MEI1: variants seen among roughly 807,000 people sequenced by gnomAD.
MEI1 encodes the protein meiotic double-stranded break formation protein 1.
A neutral mutation model predicts 146.2 loss-of-function variants in MEI1; 103 were observed. The ratio of observed to expected loss-of-function variants is 0.70; its 90% confidence interval spans 0.60 to 0.83. The LOEUF (loss-of-function observed/expected upper bound fraction) is 0.83, where lower values mean the gene tolerates loss of function less well. Among genes scored for constraint, MEI1 ranks in the 40% least tolerant of loss-of-function variants. MEI1 has a pLI of 0.00. For synonymous variants in MEI1, 652 were observed against 628.2 expected (o/e 1.04, Z -0.57); for missense variants, 1,529 against 1,533.0 (o/e 1.00, Z 0.04).
At chr22:41,786,001 C>A (rs2148194907) in intron 26 of MEI1, among the ~76,000 whole-genome samples, 1 of 145,468 alleles carries the variant, frequency 6.9e-6, no homozygotes, top group African/African-American at 2.5e-5. Flanking sequence ...AGCTCCGCCT[C>A]CCGGGTTCAC....
chr22:41,781,612 T>G (rs1177085158), intron 23 of MEI1, 73 bp from the exon 24 acceptor site: 1 of 1,537,162 alleles, frequency 6.5e-7, no homozygotes. Context: ...AATCAGGTGC[T>G]AAGCACCATA....
chr22:41,753,848 C>G (rs557835496), intron 16 of MEI1, 101 bp from the exon 17 acceptor site: 107 of 846,658 alleles, frequency 1.3e-4, no homozygotes, highest in Non-Finnish European at 7.8e-5. Flanking sequence ...TCACTAGCCT[C>G]TGGCACAAAG....
chr22:41,776,101 G>C lies in MEI1; in HGVS notation c.2545-1G>C, dbSNP rs2075425183. The stretch of plus-strand genomic sequence containing the variant: ...CTCTGGCTTTCTTCTCTCCTGCTCA[G>C]GACCTCATCTATTCCAGCCCAGTGG... On this transcript the variant is annotated splice_acceptor_variant, in intron 20 of 30. Transcript: ENST00000401548. LOFTEE classifies it high-confidence loss of function. The C allele has an allele frequency of 6.2e-7, 1 of 1,613,810 alleles. No individual in the cohort carries two copies. The highest frequency in any genetic ancestry group is 8.5e-7 in the Non-Finnish European group (1 of 1,179,782).
chr22:41,735,138 A>G (rs1186058730), intron 11 of MEI1, among the ~76,000 whole-genome samples: 2 of 138,984 alleles, frequency 1.4e-5, no homozygotes, highest in African/African-American at 2.7e-5. Context: ...ATTTTTTTGT[A>G]TTTTTAGTAG....
At chr22:41,772,603 TA>T (rs2075242080) in intron 20 of MEI1, among the ~76,000 whole-genome samples, 1 of 151,752 alleles carries the variant, frequency 6.6e-6, no homozygotes, top group South Asian at 2.1e-4. Context: ...ATTATAGGCA[TA>T]AACGACTGTA....
At chr22:41,755,356 A>G (rs990679254) in intron 17 of MEI1, among the ~76,000 whole-genome samples, 3 of 152,112 alleles carry the variant, frequency 2.0e-5, no homozygotes, top group African/African-American at 7.2e-5. Flanking sequence ...TATCTTTCCC[A>G]GACATCATGC....
intron 26 of MEI1, among the ~76,000 whole-genome samples, chr22:41,787,024 CTG>C (rs771333898): frequency 2.0e-5 from 3 of 152,324 alleles, no homozygotes; most frequent in Non-Finnish European, 4.4e-5. Flanking sequence ...GCACAAGGCT[CTG>C]TGCTCTTTAG....
chr22:41,791,530 T>TG (rs1230773875), intron 26 of MEI1, among the ~76,000 whole-genome samples: 3 of 151,988 alleles, frequency 2.0e-5, no homozygotes, highest in Admixed American at 2.0e-4. Flanking sequence ...GTGGGAAAGA[T>TG]GGGGGCAAGG....
At chr22:41,732,655 C>T in intron 11 of MEI1, 52 bp downstream of exon 11, 2 of 1,570,044 alleles carry the variant, frequency 1.3e-6, no homozygotes, top group Non-Finnish European at 1.7e-6. Flanking sequence ...ACCTAAGGGC[C>T]TGTTGAGGCC....
intron 23 of MEI1, 70 bp from the exon 24 acceptor site, chr22:41,781,615 G>A (rs2075759541): frequency 2.6e-6 from 4 of 1,547,378 alleles, no homozygotes; most frequent in South Asian, 1.2e-5. Context: ...CAGGTGCTAA[G>A]CACCATAGTG....
intron 15 of MEI1, among the ~76,000 whole-genome samples, chr22:41,748,547 G>A (rs1174528913): frequency 1.3e-5 from 2 of 152,208 alleles, no homozygotes; most frequent in East Asian, 3.9e-4. Context: ...AATTAGCTGA[G>A]AGTTTTCAGT....
chr22:41,716,013 C>T, intron 4 of MEI1, 28 bp from the exon 5 acceptor site: 1 of 1,520,318 alleles, frequency 6.6e-7, no homozygotes, highest in Non-Finnish European at 9.0e-7. Flanking sequence ...TCCTAATTGA[C>T]AGAATGGAGC....
At chr22:41,741,415 G>C (rs1354345335) in intron 11 of MEI1, among the ~76,000 whole-genome samples, 6 of 152,180 alleles carry the variant, frequency 3.9e-5, no homozygotes, top group African/African-American at 1.4e-4. Flanking sequence ...ATCTGTCTCT[G>C]TTTAGGTAAA....
chr22:41,767,433 G>A (rs1227548194), intron 19 of MEI1: 2 of 335,894 alleles, frequency 6.0e-6, no homozygotes, highest in Non-Finnish European at 1.3e-5. Flanking sequence ...GAGCCTTTGT[G>A]GAAGCAGTGG....
rs768640771 is a variant in MEI1, at chr22:41,763,358, T to A, written c.2268+37T>A. ...AATGCCTGGGCTCCTTGTCCTTCTG[T>A]ACCTCTTTACATTAGTGTTCCCTGG... is the stretch of plus-strand genomic sequence containing the variant. On this transcript the variant is annotated intron_variant, in intron 19 of 30. Coordinates refer to ENST00000401548, the MANE Select transcript of MEI1 (RefSeq NM_152513.4). 10 of 1,606,020 alleles carry A rather than the reference T, an allele frequency of 6.2e-6. No individual in the cohort carries two copies. In the East Asian group the frequency reaches 2.2e-4, roughly 36 times the overall value.
At chr22:41,726,778 C>CTT (rs1250903457) in intron 7 of MEI1, among the ~76,000 whole-genome samples, 3 of 144,324 alleles carry the variant, frequency 2.1e-5, no homozygotes, top group African/African-American at 2.5e-5. Context: ...AGATTAATTT[C>CTT]TTTTTTTTTT....
chr22:41,729,768 C>G lies in MEI1; in HGVS notation c.968C>G (p.Ala323Gly). 6.2e-7 allele frequency: 1 copy of G among 1,605,692 alleles called. No individual in the cohort carries two copies. The highest frequency in any genetic ancestry group is 8.5e-7 in the Non-Finnish European group (1 of 1,176,544). ...AAGCATGCGTCAGCCTTCATCCACG[C>G]TGACATCCCAGGTAGGGGAACACTT... ...PAKHASAFIH[A>G]DIPEFLFEHL... Residue 323 changes from alanine to glycine, a missense_variant, in exon 8 of 31, where the codon GCT (alanine) becomes GGT (glycine). Transcript: ENST00000401548.
At chr22:41,700,067 G>A (rs1048150076) in intron 1 of MEI1, among the ~76,000 whole-genome samples, 38 of 152,222 alleles carry the variant, frequency 2.5e-4, no homozygotes, top group Non-Finnish European at 1.5e-5. Context: ...CGGGGATTCG[G>A]CCTTAGCTCA....
intron 12 of MEI1, among the ~76,000 whole-genome samples, chr22:41,744,116 C>T (rs1252398468): frequency 7.2e-5 from 11 of 151,904 alleles, no homozygotes; most frequent in Non-Finnish European, 1.5e-4. Context: ...ACCTCCACCT[C>T]GGCCTCCTAA....
Sources: gnomAD v4.1 joint callset for allele counts (sites outside exome capture counted in the v4.1 genomes callset) on GRCh38, gnomAD v4.1.1 for gene constraint, MANE v1.5 for transcripts, NCBI Gene and HGNC (gene_info 2026-07-23, HGNC 2026-07-21) for gene names.